ZNF652: variants seen among roughly 807,000 people sequenced by gnomAD.
ZNF652 encodes the protein zinc finger protein 652.
In ZNF652, 16 loss-of-function variants were observed where a neutral mutation model predicts 45.2. The ratio of observed to expected loss-of-function variants is 0.35; its 90% CI spans 0.24 to 0.54. The LOEUF (loss-of-function observed/expected upper bound fraction) is 0.54. ZNF652 is among the 20% of genes least tolerant of loss of function. The pLI is 0.91. For missense variants in ZNF652, 614 were observed against 765.6 expected (o/e 0.80, Z 2.34); for synonymous variants, 250 against 260.6 (o/e 0.96, Z 0.39).
rs2069829885 is a variant in ZNF652 at position 49,317,696 on chromosome 17, C to T, written c.30G>A (p.Glu10=). 1.3e-6 allele frequency: 2 copies of T among 1,598,314 alleles called. No homozygotes were observed. The highest frequency in any genetic ancestry group is 1.7e-6 in the Non-Finnish European group (2 of 1,167,480). MSHTASSCQ[E]LVENCAVHVA... is the part of the protein sequence containing the mutation. ...CATGCACAGCACAGTTTTCAACCAGCTCCTGACAAGAACTGGCTGTGTGGC... is the reference window on the plus strand; with the variant it reads ...CATGCACAGCACAGTTTTCAACCAGTTCCTGACAAGAACTGGCTGTGTGGC... Residue 10 remains glutamate (E), a synonymous_variant, in exon 2 of 6, where the codon GAG becomes GAA. Coordinates refer to ENST00000430262, the MANE Select transcript of ZNF652 (RefSeq NM_001145365.3).
chr17:49,326,207 G>T (rs2069954381), intron 1 of ZNF652, among the ~76,000 whole-genome samples: 1 of 131,934 alleles, frequency 7.6e-6, no homozygotes, highest in Non-Finnish European at 1.6e-5. Flanking sequence ...GAGCCCAGGA[G>T]ACCAGCCTGG....
rs1164970635 is a variant in ZNF652, at chr17:49,295,644, G to C, written c.*2769C>G. The C allele has an allele frequency of 6.6e-6, 1 of 152,254 alleles. No individual in the cohort carries two copies. The highest frequency in any genetic ancestry group is 1.5e-5 in the Non-Finnish European group (1 of 67,996). The allele number at this position is 152,254 out of a possible 1,614,324, so 9.4% of individuals were successfully genotyped here. ...CTGCCCAATACTGTAAATTTATTCA[G>C]AACAAAATAAGGCAGTTGGACGTGG... On this transcript the variant is annotated 3_prime_UTR_variant, in exon 6 of 6. Transcript: ENST00000430262.
At chr17:49,342,300 T>C (rs1286296120) in intron 1 of ZNF652, among the ~76,000 whole-genome samples, 1 of 152,020 alleles carries the variant, frequency 6.6e-6, no homozygotes, top group African/African-American at 2.4e-5. Context: ...AAGAACCACA[T>C]AAGAAAATAT....
chr17:49,315,222 A>T (rs896800769), intron 2 of ZNF652, among the ~76,000 whole-genome samples: 3 of 150,780 alleles, frequency 2.0e-5, no homozygotes, highest in African/African-American at 7.3e-5. Flanking sequence ...TGTATTTTTA[A>T]TAGAGATGGG....
intron 5 of ZNF652, among the ~76,000 whole-genome samples, chr17:49,299,289 G>T (rs2069520256): frequency 6.6e-6 from 1 of 152,174 alleles, no homozygotes; most frequent in Non-Finnish European, 1.5e-5. Flanking sequence ...CCTACACAAA[G>T]AACAGTTCAA....
intron 1 of ZNF652, among the ~76,000 whole-genome samples, chr17:49,328,360 G>GT (rs759848485): frequency 7.6e-4 from 115 of 151,996 alleles, no homozygotes; most frequent in Non-Finnish European, 1.1e-3. Flanking sequence ...AACCATGTGG[G>GT]TTTTTTTACC....
rs1284147669 is a variant in ZNF652 at position 49,289,749 on chromosome 17, T to C, written c.*8664A>G. ...GCTGCCTGCCCTACACTGAGTCTACTTGACCTTCAATTGCGTCTCCGCAGA... is the reference window on the plus strand; with the variant it reads ...GCTGCCTGCCCTACACTGAGTCTACCTGACCTTCAATTGCGTCTCCGCAGA... On this transcript the variant is annotated 3_prime_UTR_variant, in exon 6 of 6. Coordinates refer to ENST00000430262, the MANE Select transcript of ZNF652 (RefSeq NM_001145365.3). 1.3e-5 allele frequency: 2 copies of C among 152,292 alleles called. No homozygotes were observed. Among genetic ancestry groups the C allele is most frequent in the African/African-American group, 4.8e-5 (2 of 41,460 alleles). The allele number at this position is 152,292 out of a possible 1,614,324, so 9.4% of individuals were successfully genotyped here. A position where few individuals can be genotyped will look rare whatever the true frequency, so the allele number is the denominator to read the frequency against.
At position 49,298,117 on chromosome 17, in the gene ZNF652, A is replaced by T; in HGVS notation, c.*296T>A. On this transcript the variant is annotated 3_prime_UTR_variant, in exon 6 of 6. Transcript: ENST00000430262. ...AAAAGCAAGCATACCTCATCAGCTG[A>T]TATGAAATTATAAAATTCCACAAGT... 2.5e-6 allele frequency: 1 copy of T among 406,370 alleles called. No homozygotes were observed. The highest frequency in any genetic ancestry group is 2.9e-5 in the South Asian group (1 of 35,016). The allele number at this position is 406,370 out of a possible 1,614,324, so 25.2% of individuals were successfully genotyped here. A position where few individuals can be genotyped will look rare whatever the true frequency, so the allele number is the denominator to read the frequency against.
At chr17:49,318,726 ACTTT>A (rs2069846208) in intron 1 of ZNF652, among the ~76,000 whole-genome samples, 1 of 152,198 alleles carries the variant, frequency 6.6e-6, no homozygotes, top group Non-Finnish European at 1.5e-5. Flanking sequence ...ATATTGGCTG[ACTTT>A]CTTTCAACAT....
chr17:49,330,771 C>G lies in ZNF652; in HGVS notation c.-258-12788G>C, dbSNP rs996072616. ...TAACTTTATTAAAAAAAATCAGAGG[C>G]CGGGCACAGTGGCTGACACCTGTAA... On this transcript the variant is annotated intron_variant, in intron 1 of 5. Transcript: ENST00000430262. Among the ~76,000 whole-genome samples, 5 of 151,874 alleles carry G rather than the reference C, an allele frequency of 3.3e-5. No individual in the cohort carries two copies. The South Asian group carries it at 1.0e-3, about 32-fold the overall frequency.
In ZNF652 at chr17:49,306,000, AG is replaced by A. The variant is rs1468942631; in HGVS notation, c.1309+5311del. On this transcript the variant is annotated intron_variant, in intron 5 of 5. Coordinates refer to ENST00000430262, the MANE Select transcript of ZNF652 (RefSeq NM_001145365.3). ...TATCCGCATCCCCTTCCTTCTCTAA[AG>A]CTAATCCTTCTCTAAAACCAGCATT... 3.3e-5 allele frequency among the ~76,000 whole-genome samples: 5 copies of A among 152,298 alleles called. No individual in the cohort carries two copies. In the South Asian group the frequency reaches 8.3e-4, roughly 25 times the overall value.
chr17:49,320,641 T>C (rs2069876899), intron 1 of ZNF652, among the ~76,000 whole-genome samples: 1 of 152,178 alleles, frequency 6.6e-6, no homozygotes, highest in Admixed American at 6.6e-5. Context: ...GTGCCAAAAC[T>C]TCTAACCCAT....
intron 1 of ZNF652, among the ~76,000 whole-genome samples, chr17:49,345,108 C>T (rs751330732): frequency 1.3e-5 from 2 of 152,142 alleles, no homozygotes; most frequent in East Asian, 1.9e-4. Flanking sequence ...AACTGCTATG[C>T]GCTCTTCTCC....
chr17:49,336,469 A>G (rs1374398310), intron 1 of ZNF652, among the ~76,000 whole-genome samples: 3 of 150,766 alleles, frequency 2.0e-5, no homozygotes, highest in African/African-American at 7.3e-5. Context: ...AGCTGAGATT[A>G]TGGGCATGCA....
intron 5 of ZNF652, among the ~76,000 whole-genome samples, chr17:49,308,989 T>A (rs1010991598): frequency 4.7e-5 from 7 of 150,518 alleles, no homozygotes; most frequent in Admixed American, 4.0e-4. Context: ...TCTAAAAAAA[T>A]GACAAAGAAG....
At chr17:49,342,515 A>G (rs2070158281) in intron 1 of ZNF652, among the ~76,000 whole-genome samples, 1 of 132,966 alleles carries the variant, frequency 7.5e-6, no homozygotes, top group African/African-American at 2.9e-5. Context: ...GCAACTTTCG[A>G]GCAAGACTTT....
intron 1 of ZNF652, among the ~76,000 whole-genome samples, chr17:49,349,792 G>A: frequency 6.6e-6 from 1 of 152,204 alleles, no homozygotes; most frequent in East Asian, 1.9e-4. Context: ...TGGAATACAA[G>A]AAGGGTGGGG....
intron 1 of ZNF652, among the ~76,000 whole-genome samples, chr17:49,325,063 T>G (rs966548270): frequency 1.3e-5 from 2 of 152,094 alleles, no homozygotes; most frequent in African/African-American, 4.8e-5. Context: ...ACTTTTAAAT[T>G]TCCTTCAAAA....
chr17:49,325,990 ACTTTAG>A (rs1180974809), intron 1 of ZNF652, among the ~76,000 whole-genome samples: 1 of 152,114 alleles, frequency 6.6e-6, no homozygotes, highest in Non-Finnish European at 1.5e-5. Context: ...AGTCCTGTTT[ACTTTAG>A]TGCACGATTT....
Sources: allele counts gnomAD v4.1 joint callset (sites outside exome capture counted in the v4.1 genomes callset), GRCh38; gene constraint gnomAD v4.1.1; transcripts MANE v1.5; gene names NCBI Gene and HGNC (gene_info 2026-07-23, HGNC 2026-07-21).